The following CNTNAP2 variants were observed in gnomAD, a reference collection of about 807,000 sequenced individuals.
CNTNAP2 encodes contactin-associated protein-like 2.
CNTNAP2 carries 98 observed loss-of-function variants against 155.2 expected under a neutral mutation model. The observed-to-expected ratio is 0.63, with a 90% confidence interval of 0.54 to 0.75. The LOEUF is 0.75. CNTNAP2 is among the 30% of genes least tolerant of loss of function. CNTNAP2 has a pLI of 0.00. For missense variants in CNTNAP2, 1,727 were observed against 1,688.1 expected, an observed-to-expected ratio of 1.02 and a Z score of -0.40; for synonymous variants, 651 against 631.2, an observed-to-expected ratio of 1.03 and a Z score of -0.47.
chr7:146,649,640 A>G (rs1273035471), intron 1 of CNTNAP2, among the ~76,000 whole-genome samples: 4 of 152,152 alleles, frequency 2.6e-5, no homozygotes, highest in Admixed American at 2.6e-4. Flanking sequence ...AAACATTTTC[A>G]AAAATTTACA....
At chr7:146,940,097 A>C (rs1384736627) in intron 3 of CNTNAP2, among the ~76,000 whole-genome samples, 1 of 152,250 alleles carries the variant, frequency 6.6e-6, no homozygotes, top group Non-Finnish European at 1.5e-5. Context: ...CCATAGAGTT[A>C]GAATTTTACA....
intron 15 of CNTNAP2, among the ~76,000 whole-genome samples, chr7:148,014,744 C>T (rs890998214): frequency 6.6e-6 from 1 of 152,136 alleles, no homozygotes; most frequent in Admixed American, 6.5e-5. Flanking sequence ...GAGATCTCAA[C>T]AGAAGCCAAT....
intron 1 of CNTNAP2, among the ~76,000 whole-genome samples, chr7:146,229,711 T>C (rs1180526819): frequency 9.1e-6 from 1 of 109,802 alleles, no homozygotes; most frequent in Admixed American, 1.1e-4. Flanking sequence ...TTTCAGCCTA[T>C]GAAGTTTTTT....
intron 14 of CNTNAP2, among the ~76,000 whole-genome samples, chr7:147,907,578 G>A (rs553538524): frequency 2.5e-4 from 38 of 152,100 alleles, no homozygotes; most frequent in East Asian, 9.7e-4. Context: ...AGCTTGATGC[G>A]GGTAGACCTT....
chr7:146,395,775 C>CAGAT (rs10648667), intron 1 of CNTNAP2, among the ~76,000 whole-genome samples: 11,068 of 60,274 alleles, frequency 0.18, 1,483 homozygotes, highest in African/African-American at 0.42. Context: ...TCTAGATAGA[C>CAGAT]AGATGATAGA....
intron 1 of CNTNAP2, among the ~76,000 whole-genome samples, chr7:146,502,707 G>C (rs994270284): frequency 6.6e-6 from 1 of 152,092 alleles, no homozygotes; most frequent in Non-Finnish European, 1.5e-5. Context: ...TCCCTCCCAG[G>C]TTCAAGCAAT....
At position 146,875,934 on chromosome 7, in the gene CNTNAP2, C is replaced by CAA. The variant is rs56304234; in HGVS notation, c.402+36056_402+36057dup. Among the ~76,000 whole-genome samples the CAA allele has an allele frequency of 1.0e-3, 56 of 55,122 alleles. 1 individual carries two copies. Among genetic ancestry groups the CAA allele is most frequent in the African/African-American group, 1.6e-3 (27 of 16,418 alleles). 36.2% of individuals were successfully genotyped at this position (55,122 alleles called of 152,430 possible). On this transcript the variant is annotated intron_variant, in intron 3 of 23. Transcript: ENST00000361727. ...CACACACACACACACACATACACAG[C>CAA]AAAAAAAAAAAAAAAAAAAAAAAAA...
intron 16 of CNTNAP2, among the ~76,000 whole-genome samples, chr7:148,122,554 C>T (rs2116615458): frequency 6.6e-6 from 1 of 152,204 alleles, no homozygotes; most frequent in Non-Finnish European, 1.5e-5. Context: ...CAGGGGCCAG[C>T]AATAGCAAGG....
intron 3 of CNTNAP2, among the ~76,000 whole-genome samples, chr7:146,966,962 C>T (rs1167681879): frequency 2.0e-5 from 3 of 152,110 alleles, no homozygotes; most frequent in African/African-American, 7.2e-5. Flanking sequence ...GGGACACAGG[C>T]AGCCAAAAGG....
chr7:146,721,611 T>C (rs1211815849), intron 1 of CNTNAP2, among the ~76,000 whole-genome samples: 1 of 88,092 alleles, frequency 1.1e-5, no homozygotes, highest in Non-Finnish European at 1.9e-5. Context: ...ATACATTCTA[T>C]ATATATATTC....
chr7:146,626,963 C>T (rs1352481695), intron 1 of CNTNAP2, among the ~76,000 whole-genome samples: 2 of 152,018 alleles, frequency 1.3e-5, no homozygotes, highest in Non-Finnish European at 2.9e-5. Flanking sequence ...TTCTTTATTT[C>T]TGTATTAGCC....
intron 9 of CNTNAP2, among the ~76,000 whole-genome samples, chr7:147,350,853 A>T (rs974220448): frequency 6.6e-6 from 1 of 151,920 alleles, no homozygotes; most frequent in South Asian, 2.1e-4. Context: ...ACCTAAAAAA[A>T]TTTAAATTTA....
intron 8 of CNTNAP2, among the ~76,000 whole-genome samples, chr7:147,269,395 C>T (rs113823318): frequency 6.6e-6 from 1 of 152,108 alleles, no homozygotes; most frequent in African/African-American, 2.4e-5. Flanking sequence ...TCAACATAAC[C>T]ATGTTGGATA....
At chr7:147,093,193 A>C (rs1800450241) in intron 4 of CNTNAP2, among the ~76,000 whole-genome samples, 3 of 148,360 alleles carry the variant, frequency 2.0e-5, no homozygotes, top group Non-Finnish European at 3.0e-5. Flanking sequence ...GTGAGCTGAG[A>C]TCGCACCACT....
intron 1 of CNTNAP2, among the ~76,000 whole-genome samples, chr7:146,592,481 T>A (rs554751921): frequency 6.6e-6 from 1 of 152,320 alleles, no homozygotes; most frequent in South Asian, 2.1e-4. Context: ...TGTGGATGTA[T>A]GTGACACAGT....
At chr7:147,317,888 T>C (rs1438942957) in intron 9 of CNTNAP2, among the ~76,000 whole-genome samples, 2 of 151,964 alleles carry the variant, frequency 1.3e-5, no homozygotes, top group Non-Finnish European at 2.9e-5. Flanking sequence ...TTCCCTTCTC[T>C]TAACTTTCTG....
chr7:148,336,192 G>A (rs964991679), intron 21 of CNTNAP2, among the ~76,000 whole-genome samples: 4 of 152,140 alleles, frequency 2.6e-5, no homozygotes, highest in Non-Finnish European at 5.9e-5. Flanking sequence ...TTATTTCATA[G>A]ATTTGGGGTT....
chr7:147,854,571 C>T lies in CNTNAP2; in HGVS notation c.2099-48994C>T, dbSNP rs577131026. On this transcript the variant is annotated intron_variant, in intron 13 of 23. Coordinates refer to ENST00000361727, the MANE Select transcript of CNTNAP2 (RefSeq NM_014141.6). ...ATATAAAACTCCCCAGCCCCTACTT[C>T]AAGGTTATGTTCTCAGAACCAGATA... is the stretch of plus-strand genomic sequence containing the variant. Among the ~76,000 whole-genome samples, 14 of 152,266 alleles carry T rather than the reference C, an allele frequency of 9.2e-5. No individual in the cohort carries two copies. The East Asian group carries it at 2.7e-3, about 29-fold the overall frequency.
At position 147,732,184 on chromosome 7, in the gene CNTNAP2, C is replaced by CG. The variant is rs1439261173; in HGVS notation, c.2098+92878_2098+92879insG. Reference sequence around the variant, plus strand: ...GTATATCTCCTAATGCTATCCCTCCCCCCCCCACCACCCCCATGACAGGCC... The same window carrying CG: ...GTATATCTCCTAATGCTATCCCTCCCGCCCCCCACCACCCCCATGACAGGCC... On this transcript the variant is annotated intron_variant, in intron 13 of 23. Transcript: ENST00000361727. Among the ~76,000 whole-genome samples the CG allele has an allele frequency of 1.2e-4, 12 of 101,642 alleles. No homozygotes were observed. In the East Asian group the frequency reaches 1.8e-3, roughly 15 times the overall value. The allele number at this position is 101,642 out of a possible 152,430, so 66.7% of individuals were successfully genotyped here. A position where few individuals can be genotyped will look rare whatever the true frequency, so the allele number is the denominator to read the frequency against.
Sources: allele counts gnomAD v4.1 joint callset (sites outside exome capture counted in the v4.1 genomes callset), GRCh38; gene constraint gnomAD v4.1.1; transcripts MANE v1.5; gene names NCBI Gene and HGNC (gene_info 2026-07-23, HGNC 2026-07-21).